The following TNNT3 variants were observed in gnomAD, a reference collection of about 807,000 sequenced individuals.
The protein encoded by TNNT3 is troponin T, fast skeletal muscle.
TNNT3 carries 36 observed loss-of-function variants against 54.2 expected under a neutral mutation model. The observed-to-expected ratio is 0.66, with a 90% CI of 0.51 to 0.88. The LOEUF is 0.88. Ranked by LOEUF, TNNT3 falls within the 40% of genes least tolerant of loss-of-function variation. The pLI is 0.00. For missense variants in TNNT3, 291 were observed against 331.6 expected (o/e 0.88, Z 0.95); for synonymous variants, 120 against 109.7 (o/e 1.09, Z -0.59).
At chr11:1,924,345 A>G (rs1273716632) in intron 4 of TNNT3, among the ~76,000 whole-genome samples, 7 of 152,112 alleles carry the variant, frequency 4.6e-5, no homozygotes, top group African/African-American at 1.7e-4. Context: ...GCACCTGGGA[A>G]CCGTGTGGGG....
intron 7 of TNNT3, among the ~76,000 whole-genome samples, 177 bp from the exon 8 acceptor site, chr11:1,929,633 A>C (rs1170187867): frequency 6.6e-6 from 1 of 152,190 alleles, no homozygotes; most frequent in Non-Finnish European, 1.5e-5. Context: ...TTGCAGGCCT[A>C]GAGCAGAAAC....
At chr11:1,937,215 G>A (rs1429069717) in intron 15 of TNNT3, among the ~76,000 whole-genome samples, 1 of 152,116 alleles carries the variant, frequency 6.6e-6, no homozygotes, top group Non-Finnish European at 1.5e-5. Context: ...AGCCCTGGGG[G>A]GTGGCAGAGT....
At chr11:1,934,692 G>T in intron 13 of TNNT3, 37 bp downstream of exon 13, 4 of 1,605,354 alleles carry the variant, frequency 2.5e-6, no homozygotes, top group Non-Finnish European at 3.4e-6. Context: ...GCCCCACGGG[G>T]TGGCCCCTGC....
intron 7 of TNNT3, 144 bp downstream of exon 7, chr11:1,929,287 G>C: frequency 8.9e-7 from 1 of 1,124,348 alleles, no homozygotes. Flanking sequence ...GGCCTCGGAG[G>C]GCCAGGCCTT....
intron 15 of TNNT3, among the ~76,000 whole-genome samples, chr11:1,937,904 A>G (rs1855615507): frequency 6.6e-6 from 1 of 152,152 alleles, no homozygotes. Flanking sequence ...GGCCTTTGCC[A>G]GCCAGGTGTC....
intron 7 of TNNT3, among the ~76,000 whole-genome samples, 162 bp from the exon 8 acceptor site, chr11:1,929,648 C>G (rs1211391080): frequency 6.6e-6 from 1 of 152,218 alleles, no homozygotes; most frequent in Non-Finnish European, 1.5e-5. Context: ...AGAAACAGGA[C>G]CCTCTTGTTT....
At chr11:1,934,180 C>T in intron 11 of TNNT3, 152 bp from the exon 12 acceptor site, 1 of 1,053,378 alleles carries the variant, frequency 9.5e-7, no homozygotes. Flanking sequence ...AAAACAAATC[C>T]TGGCCAAGAC....
intron 14 of TNNT3, among the ~76,000 whole-genome samples, chr11:1,936,519 G>A (rs1174362684): frequency 6.6e-6 from 1 of 152,216 alleles, no homozygotes; most frequent in Non-Finnish European, 1.5e-5. Flanking sequence ...CTGGGCACAG[G>A]CACGAGGGCG....
intron 6 of TNNT3, among the ~76,000 whole-genome samples, chr11:1,928,421 G>T (rs1042193305): frequency 2.0e-5 from 3 of 152,200 alleles, no homozygotes; most frequent in African/African-American, 7.2e-5. Context: ...TAGCAGGGGG[G>T]TCCCAGAGGG....
At chr11:1,919,804 G>A (rs1035482420) in intron 1 of TNNT3, 42 bp downstream of exon 1, 43 of 152,226 alleles carry the variant, frequency 2.8e-4, no homozygotes, top group African/African-American at 7.0e-4. Context: ...TGGGGCCGAC[G>A]GGGCCTCCTG....
rs1442420279 is a variant in TNNT3, at chr11:1,934,655, G to A, written c.590G>A (p.Arg197Lys). 6.2e-7 allele frequency: 1 copy of A among 1,608,744 alleles called. No homozygotes were observed. The highest frequency in any genetic ancestry group is 8.5e-7 in the Non-Finnish European group (1 of 1,178,078). The change falls in exon 13 of 16, where the codon AGG (arginine) becomes AAG (lysine). Residue 197 changes from arginine to lysine, a missense_variant and splice_region_variant. Coordinates refer to ENST00000278317, the MANE Select transcript of TNNT3 (RefSeq NM_006757.4). ...NIDHLGEDKLRDKAKELWETL... is the reference protein window; with the variant it reads ...NIDHLGEDKLKDKAKELWETL... ...GATCACCTTGGTGAAGACAAACTGA[G>A]GTGAGGGGTGGGTGTTGTGGGGCTC...
Position 1,933,713 on chromosome 11 carries a change from G to T in TNNT3, c.172-8G>T. 6.2e-7 allele frequency: 1 copy of T among 1,611,414 alleles called. No homozygotes were observed. The highest frequency in any genetic ancestry group is 8.5e-7 in the Non-Finnish European group (1 of 1,178,552). ...GGTGGGGCTCACACCCACTGCCCCT[G>T]CCCACAGGACATCCAGAAGAAGCGT... is the stretch of plus-strand genomic sequence containing the variant. On this transcript the variant is annotated splice_region_variant and splice_polypyrimidine_tract_variant and intron_variant, in intron 9 of 15. Coordinates refer to ENST00000278317, the MANE Select transcript of TNNT3 (RefSeq NM_006757.4).
At chr11:1,924,134 GTC>G (rs536530328) in intron 4 of TNNT3, among the ~76,000 whole-genome samples, 78 of 152,006 alleles carry the variant, frequency 5.1e-4, no homozygotes, top group African/African-American at 1.8e-3. Flanking sequence ...CTCTCTCTCA[GTC>G]TCTGTCTTTC....
chr11:1,923,536 T>TTGTTCTGTCCC lies in TNNT3; in HGVS notation c.32-18_32-8dup, dbSNP rs754215349. On this transcript the variant is annotated intron_variant, in intron 3 of 15. Coordinates refer to ENST00000278317, the MANE Select transcript of TNNT3 (RefSeq NM_006757.4). Reference sequence around the variant, plus strand: ...GCCCCTTCTAACGTGGTTCCCCTCTTTGTTCTGTCCCAATGCAGAGCAGTA... The same window carrying TTGTTCTGTCCC: ...GCCCCTTCTAACGTGGTTCCCCTCTTTGTTCTGTCCCTGTTCTGTCCCAATGCAGAGCAGTA... 1 of 1,614,022 alleles carries TTGTTCTGTCCC rather than the reference T, an allele frequency of 6.2e-7. No individual in the cohort carries two copies. The highest frequency in any genetic ancestry group is 1.1e-5 in the South Asian group (1 of 91,074).
At chr11:1,934,987 C>A in intron 14 of TNNT3, 68 bp downstream of exon 14, 1 of 1,438,822 alleles carries the variant, frequency 7.0e-7, no homozygotes, top group Non-Finnish European at 9.8e-7. Flanking sequence ...AGCCATCTCC[C>A]TGCGTCCCTA....
intron 14 of TNNT3, chr11:1,936,384 C>T (rs987480804): frequency 6.9e-6 from 7 of 1,012,540 alleles, no homozygotes; most frequent in Non-Finnish European, 8.9e-6. Context: ...TTCCTCCTGC[C>T]CCCGCTCTCC....
chr11:1,926,081 C>T (rs1851498739), intron 5 of TNNT3, among the ~76,000 whole-genome samples: 1 of 152,270 alleles, frequency 6.6e-6, no homozygotes, highest in Admixed American at 6.5e-5. Flanking sequence ...TACAACCTCG[C>T]ACGTGGGCCT....
intron 1 of TNNT3, among the ~76,000 whole-genome samples, chr11:1,922,104 CG>C (rs59170341): frequency 3.3e-5 from 5 of 152,074 alleles, no homozygotes; most frequent in Admixed American, 2.0e-4. Context: ...GAGCCCGGCC[CG>C]GGGGGGTGCA....
At chr11:1,923,134 C>G in intron 3 of TNNT3, 73 bp downstream of exon 3, 1 of 1,590,088 alleles carries the variant, frequency 6.3e-7, no homozygotes, top group Non-Finnish European at 8.6e-7. Flanking sequence ...GGGGGCTGGA[C>G]TGTGCATACC....
Sources: allele counts gnomAD v4.1 joint callset (sites outside exome capture counted in the v4.1 genomes callset), GRCh38; gene constraint gnomAD v4.1.1; transcripts MANE v1.5; gene names NCBI Gene and HGNC (gene_info 2026-07-23, HGNC 2026-07-21).